Variants in PRLR observed in about 807,000 individuals in gnomAD.
The protein encoded by PRLR is hPRL receptor.
Under a neutral mutation model 40.2 loss-of-function variants are expected in PRLR, and 13 were observed. That is an observed-to-expected ratio of 0.32 (90% CI 0.21 to 0.51). The LOEUF (loss-of-function observed/expected upper bound fraction) is 0.51, where lower values mean the gene tolerates loss of function less well. Ranked by LOEUF, PRLR falls within the 20% of genes least tolerant of loss-of-function variation. The pLI is 0.97. For synonymous variants in PRLR, 269 were observed against 278.7 expected (o/e 0.97, Z 0.35); for missense variants, 656 against 747.3 (o/e 0.88, Z 1.42).
intron 5 of PRLR, among the ~76,000 whole-genome samples, chr5:35,080,805 T>A (rs966852002): frequency 6.6e-6 from 1 of 151,980 alleles, no homozygotes; most frequent in Non-Finnish European, 1.5e-5. Flanking sequence ...TGTCCATCAA[T>A]GATGGACTGG....
intron 1 of PRLR, among the ~76,000 whole-genome samples, chr5:35,158,906 A>G (rs1774590332): frequency 6.6e-6 from 1 of 152,206 alleles, no homozygotes; most frequent in Non-Finnish European, 1.5e-5. Flanking sequence ...CTGCTTGAAC[A>G]CTGCATGCAA....
chr5:35,182,221 T>G (rs1775312881), intron 1 of PRLR, among the ~76,000 whole-genome samples: 1 of 152,204 alleles, frequency 6.6e-6, no homozygotes, highest in Non-Finnish European at 1.5e-5. Flanking sequence ...CTAAAGAAAC[T>G]GAGGCACTGA....
chr5:35,072,881 G>A (rs1284426561), intron 5 of PRLR, 137 bp from the exon 6 acceptor site: 3 of 996,188 alleles, frequency 3.0e-6, no homozygotes, highest in East Asian at 2.6e-5. Flanking sequence ...CAAATACCCG[G>A]GCCTTTTGTC....
intron 2 of PRLR, among the ~76,000 whole-genome samples, chr5:35,097,617 A>G (rs1341928008): frequency 6.6e-6 from 1 of 152,044 alleles, no homozygotes; most frequent in African/African-American, 2.4e-5. Context: ...GGGACAGGTC[A>G]GAGGACCTTG....
chr5:35,165,061 C>T (rs1774782682), intron 1 of PRLR, among the ~76,000 whole-genome samples: 1 of 152,198 alleles, frequency 6.6e-6, no homozygotes, highest in African/African-American at 2.4e-5. Flanking sequence ...AGTTTTATAA[C>T]TGCACATTTC....
In PRLR at chr5:35,065,297, T is replaced by C. The variant is rs1338834919; in HGVS notation, c.1661A>G (p.Asp554Gly). 3 of 1,614,084 alleles carry C rather than the reference T, an allele frequency of 1.9e-6. No individual in the cohort carries two copies. In the African/African-American group the frequency reaches 4.0e-5, roughly 22 times the overall value. ...TGGCACCAACACCAGGATGTTGTTA[T>C]CCATGACCCCGGACACCTTGGCATA... ...KEYAKVSGVM[D>G]NNILVLVPDP... Residue 554 changes from aspartate to glycine, a missense_variant, in exon 10 of 10, where the codon GAT becomes GGT. Transcript: ENST00000618457.
chr5:35,074,405 T>C (rs1174552396), intron 5 of PRLR, among the ~76,000 whole-genome samples: 1 of 151,312 alleles, frequency 6.6e-6, no homozygotes, highest in African/African-American at 2.4e-5. Flanking sequence ...GAGGTTGCAG[T>C]GAGCTGAGAT....
chr5:35,200,840 C>T (rs1047151438), intron 1 of PRLR, among the ~76,000 whole-genome samples: 5 of 152,322 alleles, frequency 3.3e-5, no homozygotes, highest in Admixed American at 3.3e-4. Flanking sequence ...AAAGAGTTAA[C>T]AGACTTTGCG....
chr5:35,197,170 A>C (rs1579792192), intron 1 of PRLR, among the ~76,000 whole-genome samples: 1 of 152,050 alleles, frequency 6.6e-6, no homozygotes, highest in East Asian at 1.9e-4. Flanking sequence ...TTAAATCCAA[A>C]GTTTAATCCA....
intron 1 of PRLR, among the ~76,000 whole-genome samples, chr5:35,155,378 A>G (rs554423859): frequency 5.9e-5 from 9 of 152,298 alleles, no homozygotes; most frequent in East Asian, 3.9e-4. Context: ...TTGTATACAC[A>G]TGCAAAAAGA....
At chr5:35,084,688 T>C (rs1273540468) in intron 4 of PRLR, 49 bp from the exon 5 acceptor site, 7 of 1,554,102 alleles carry the variant, frequency 4.5e-6, no homozygotes, top group South Asian at 1.2e-5. Context: ...ATAAAGAGAG[T>C]CTAGTTTTTT....
At chr5:35,104,097 G>A (rs1271478942) in intron 2 of PRLR, among the ~76,000 whole-genome samples, 6 of 152,120 alleles carry the variant, frequency 3.9e-5, no homozygotes, top group Admixed American at 2.6e-4. Context: ...TAGCACAAAC[G>A]TTCTGAGAAC....
chr5:35,151,688 G>T (rs1460897807), intron 1 of PRLR, among the ~76,000 whole-genome samples: 1 of 152,218 alleles, frequency 6.6e-6, no homozygotes, highest in Non-Finnish European at 1.5e-5. Context: ...TCCTGAGAGG[G>T]TTCATGTATA....
At chr5:35,179,546 C>G (rs75017552) in intron 1 of PRLR, among the ~76,000 whole-genome samples, 1 of 152,216 alleles carries the variant, frequency 6.6e-6, no homozygotes, top group Non-Finnish European at 1.5e-5. Context: ...TGCCTCATTG[C>G]GAGTGCTCAG....
intron 1 of PRLR, among the ~76,000 whole-genome samples, chr5:35,197,268 G>C (rs17249539): frequency 0.099 from 15,055 of 152,294 alleles, 963 homozygotes; most frequent in Non-Finnish European, 0.13. Flanking sequence ...CGTGTGTTTG[G>C]CTATAGGATT....
At position 35,065,521 on chromosome 5, in the gene PRLR, T is replaced by C; in HGVS notation, c.1437A>G (p.Val479=). Residue 479 remains valine, a synonymous_variant, in exon 10 of 10, where the codon GTA becomes GTG. Coordinates refer to ENST00000618457, the MANE Select transcript of PRLR (RefSeq NM_000949.7). The part of the protein sequence containing the change: ...EEGKATQQRE[V]ESFHSETDQD... ...GGTCAGTCTCAGAATGGAAGCTTTC[T>C]ACCTCCCTCTGCTGGGTTGCCTTTC... is the stretch of plus-strand genomic sequence containing the variant. 1.2e-6 allele frequency: 2 copies of C among 1,614,132 alleles called. No individual in the cohort carries two copies. The highest frequency in any genetic ancestry group is 1.7e-6 in the Non-Finnish European group (2 of 1,180,032).
At chr5:35,090,870 G>C (rs1427755964) in intron 2 of PRLR, among the ~76,000 whole-genome samples, 1 of 142,634 alleles carries the variant, frequency 7.0e-6, no homozygotes, top group African/African-American at 2.6e-5. Context: ...GAGTGCAGTG[G>C]CGCGATCTGG....
chr5:35,160,404 T>C (rs1774640596), intron 1 of PRLR, among the ~76,000 whole-genome samples: 1 of 152,226 alleles, frequency 6.6e-6, no homozygotes, highest in African/African-American at 2.4e-5. Flanking sequence ...TTTAGCCATC[T>C]CTGCTCTTAC....
chr5:35,069,396 C>T (rs1769601975), intron 7 of PRLR, among the ~76,000 whole-genome samples: 1 of 152,184 alleles, frequency 6.6e-6, no homozygotes. Flanking sequence ...TAGATGCCTG[C>T]CTGATTTGCA....
Sources: gnomAD v4.1 joint callset for allele counts (sites outside exome capture counted in the v4.1 genomes callset) on GRCh38, gnomAD v4.1.1 for gene constraint, MANE v1.5 for transcripts, NCBI Gene and HGNC (gene_info 2026-07-23, HGNC 2026-07-21) for gene names.